The following FILIP1 variants were observed in gnomAD, a reference collection of about 807,000 sequenced individuals.
FILIP1 encodes filamin A interacting protein 1.
A neutral mutation model predicts 102.1 loss-of-function variants in FILIP1; 61 were observed. The observed-to-expected ratio is 0.60, with a 90% CI of 0.49 to 0.74. FILIP1 has a LOEUF of 0.74. Among genes scored for constraint, FILIP1 ranks in the 30% least tolerant of loss-of-function variants. The pLI, the probability that FILIP1 is intolerant of heterozygous loss-of-function variation, is 0.00. For missense variants in FILIP1, 1,314 were observed against 1,441.2 expected, an observed-to-expected ratio of 0.91 and a Z score of 1.43; for synonymous variants, 491 against 526.9, an observed-to-expected ratio of 0.93 and a Z score of 0.93.
chr6:75,441,045 G>A (rs565061764), intron 1 of FILIP1, among the ~76,000 whole-genome samples: 138 of 151,362 alleles, frequency 9.1e-4, no homozygotes, highest in African/African-American at 3.1e-3. Flanking sequence ...GATTTGGCAG[G>A]GTCATAGGAC....
chr6:75,303,540 A>G (rs1582308110), downstream of FILIP1, among the ~76,000 whole-genome samples: 1 of 152,288 alleles, frequency 6.6e-6, no homozygotes, highest in Non-Finnish European at 1.5e-5. Flanking sequence ...TAGAGACCAG[A>G]GGTTTGTTTT....
intron 1 of FILIP1, among the ~76,000 whole-genome samples, chr6:75,423,238 G>T (rs1777525563): frequency 6.6e-6 from 1 of 152,148 alleles, no homozygotes; most frequent in African/African-American, 2.4e-5. Context: ...CTTGATAAGT[G>T]GGTGCCTCCT....
chr6:75,442,881 C>T (rs985727247), intron 1 of FILIP1, among the ~76,000 whole-genome samples: 2 of 152,234 alleles, frequency 1.3e-5, no homozygotes, highest in Non-Finnish European at 2.9e-5. Context: ...GATTTCTTAA[C>T]AACCCTGCAA....
intron 4 of FILIP1, among the ~76,000 whole-genome samples, chr6:75,345,526 T>C (rs1774548339): frequency 1.3e-5 from 2 of 151,736 alleles, no homozygotes; most frequent in Admixed American, 6.6e-5. Context: ...CAGCCTCACG[T>C]ACAGTAAGGA....
chr6:75,381,236 T>C (rs567571553), intron 2 of FILIP1, among the ~76,000 whole-genome samples: 1 of 129,638 alleles, frequency 7.7e-6, no homozygotes, highest in South Asian at 2.2e-4. Context: ...TTAGATACAA[T>C]TTTTTTTTTT....
chr6:75,353,805 T>C lies in FILIP1; in HGVS notation c.451-88A>G, dbSNP rs73751827. On this transcript the variant is annotated intron_variant, in intron 3 of 5. Transcript: ENST00000237172. ...ATTTGTTGACATGGGTCTAGTGACT[T>C]ATTACCTGAAAGCGAGAACAGTGAG... is the stretch of plus-strand genomic sequence containing the variant. 482 of 1,329,966 alleles carry C rather than the reference T, an allele frequency of 3.6e-4. No homozygotes were observed. The African/African-American group carries it at 6.4e-3, about 18-fold the overall frequency. The allele number at this position is 1,329,966 out of a possible 1,614,324, so 82.4% of individuals were successfully genotyped here.
chr6:75,473,106 C>T (rs1779376891), intron 1 of FILIP1, among the ~76,000 whole-genome samples: 1 of 152,112 alleles, frequency 6.6e-6, no homozygotes, highest in African/African-American at 2.4e-5. Flanking sequence ...CCAGGTCTGG[C>T]TACTTTCAAA....
At chr6:75,301,949 C>G (rs1365422354) in intron 6 of FILIP1, among the ~76,000 whole-genome samples, 1 of 152,174 alleles carries the variant, frequency 6.6e-6, no homozygotes, top group East Asian at 1.9e-4. Flanking sequence ...GAGAGCCTCT[C>G]TGTCCTATTT....
intron 2 of FILIP1, among the ~76,000 whole-genome samples, chr6:75,388,493 T>G (rs1476330276): frequency 6.6e-6 from 1 of 152,212 alleles, no homozygotes; most frequent in Non-Finnish European, 1.5e-5. Flanking sequence ...TTCACAATAT[T>G]GATTCCTCCT....
At chr6:75,354,204 C>T (rs1774907505) in intron 3 of FILIP1, among the ~76,000 whole-genome samples, 1 of 152,200 alleles carries the variant, frequency 6.6e-6, no homozygotes, top group Non-Finnish European at 1.5e-5. Flanking sequence ...TCCAAAGAAG[C>T]TGTACCCATT....
chr6:75,457,430 T>G (rs1263524196), intron 1 of FILIP1, among the ~76,000 whole-genome samples: 1 of 152,222 alleles, frequency 6.6e-6, no homozygotes, highest in Non-Finnish European at 1.5e-5. Context: ...TTATGACTGA[T>G]GTGGGGTAAA....
At position 75,353,733 on chromosome 6, in the gene FILIP1, T is replaced by C. The variant is rs757383242; in HGVS notation, c.451-16A>G. ...GTCTGTCCAGCTGAATAAGCAAACATGGGAAAGGGCTTAATATTTTATTGC... is the reference window on the plus strand; with the variant it reads ...GTCTGTCCAGCTGAATAAGCAAACACGGGAAAGGGCTTAATATTTTATTGC... On this transcript the variant is annotated splice_polypyrimidine_tract_variant and intron_variant, in intron 3 of 5. Transcript: ENST00000237172. 2 of 1,610,744 alleles carry C rather than the reference T, an allele frequency of 1.2e-6. No homozygotes were observed. Among genetic ancestry groups the C allele is most frequent in the Admixed American group, 1.7e-5 (1 of 59,848 alleles).
At chr6:75,395,824 CCT>C (rs1461992437) in intron 2 of FILIP1, among the ~76,000 whole-genome samples, 1 of 152,068 alleles carries the variant, frequency 6.6e-6, no homozygotes, top group Non-Finnish European at 1.5e-5. Context: ...AGTTCTCTCC[CCT>C]GAGTCCTTGA....
intron 1 of FILIP1, among the ~76,000 whole-genome samples, chr6:75,469,250 T>C (rs1310178473): frequency 6.6e-6 from 1 of 152,056 alleles, no homozygotes; most frequent in Non-Finnish European, 1.5e-5. Flanking sequence ...CATACAAAAA[T>C]TTTTGGTTTT....
chr6:75,470,156 G>T (rs1487870507), intron 1 of FILIP1, among the ~76,000 whole-genome samples: 2 of 152,040 alleles, frequency 1.3e-5, no homozygotes, highest in Non-Finnish European at 2.9e-5. Context: ...ATGATAGAAA[G>T]CTCAAGATAA....
chr6:75,330,549 A>G (rs1203876208), intron 4 of FILIP1, among the ~76,000 whole-genome samples: 1 of 152,184 alleles, frequency 6.6e-6, no homozygotes, highest in African/African-American at 2.4e-5. Flanking sequence ...AAGAGAAGAG[A>G]AAAAATCTGT....
At chr6:75,367,042 T>C (rs1775362495) in intron 2 of FILIP1, among the ~76,000 whole-genome samples, 1 of 152,210 alleles carries the variant, frequency 6.6e-6, no homozygotes, top group African/African-American at 2.4e-5. Context: ...AGTTTAAAAA[T>C]ACGCAAATAT....
At position 75,341,292 on chromosome 6, in the gene FILIP1, C is replaced by T. The variant is rs551578369; in HGVS notation, c.629+12247G>A. Among the ~76,000 whole-genome samples, 36 of 151,888 alleles carry T rather than the reference C, an allele frequency of 2.4e-4. No individual in the cohort carries two copies. The South Asian group carries it at 7.3e-3, about 31-fold the overall frequency. On this transcript the variant is annotated intron_variant, in intron 4 of 5. Coordinates refer to ENST00000237172, the MANE Select transcript of FILIP1 (RefSeq NM_015687.5). ...CCTCCTACTTCAGCCTCCCAAGTAGCTGGGACTACAGGTATGTGCTGTAAC... is the reference window on the plus strand; with the variant it reads ...CCTCCTACTTCAGCCTCCCAAGTAGTTGGGACTACAGGTATGTGCTGTAAC...
intron 1 of FILIP1, among the ~76,000 whole-genome samples, chr6:75,463,471 A>G (rs1779082950): frequency 6.6e-6 from 1 of 152,200 alleles, no homozygotes; most frequent in South Asian, 2.1e-4. Context: ...TTTTACATAA[A>G]TATCCAGTTT....
Sources: gnomAD v4.1 joint callset for allele counts (sites outside exome capture counted in the v4.1 genomes callset) on GRCh38, gnomAD v4.1.1 for gene constraint, MANE v1.5 for transcripts, NCBI Gene and HGNC (gene_info 2026-07-23, HGNC 2026-07-21) for gene names.